CCDC152: variants seen among roughly 807,000 people sequenced by gnomAD.
The protein encoded by CCDC152 is coiled-coil domain-containing protein 152.
CCDC152 carries 37 observed loss-of-function variants against 38.1 expected under a neutral mutation model. The observed-to-expected ratio is 0.97, with a 90% CI of 0.75 to 1.28. The LOEUF (loss-of-function observed/expected upper bound fraction) is 1.28. Ranked by LOEUF, CCDC152 falls within the 50% of genes most tolerant of loss-of-function variation. The pLI is 0.00. For synonymous variants in CCDC152, 83 were observed against 87.1 expected, an observed-to-expected ratio of 0.95 and a Z score of 0.26; for missense variants, 259 against 292.1, an observed-to-expected ratio of 0.89 and a Z score of 0.83.
intron 4 of CCDC152, among the ~76,000 whole-genome samples, chr5:42,771,405 G>A (rs1348966308): frequency 2.0e-5 from 3 of 151,052 alleles, no homozygotes; most frequent in Non-Finnish European, 4.4e-5. Context: ...GTACTCAAAG[G>A]AAAGAAATAA....
At chr5:42,772,099 G>T (rs1166310221) in intron 4 of CCDC152, among the ~76,000 whole-genome samples, 1 of 152,020 alleles carries the variant, frequency 6.6e-6, no homozygotes, top group Non-Finnish European at 1.5e-5. Flanking sequence ...TGCAAGTATG[G>T]TTCTGTATAC....
chr5:42,769,720 T>TA, intron 4 of CCDC152, 55 bp downstream of exon 4: 1 of 1,435,904 alleles, frequency 7.0e-7, no homozygotes, highest in South Asian at 1.4e-5. Context: ...TGAGCACCTT[T>TA]AAAAATAGGA....
At chr5:42,795,562 C>T (rs1303062330) in intron 6 of CCDC152, among the ~76,000 whole-genome samples, 5 of 151,926 alleles carry the variant, frequency 3.3e-5, no homozygotes, top group Non-Finnish European at 7.4e-5. Context: ...CCAATAAATG[C>T]GGAATACGTA....
At chr5:42,796,600 T>C (rs936004024) in intron 6 of CCDC152, among the ~76,000 whole-genome samples, 1 of 152,230 alleles carries the variant, frequency 6.6e-6, no homozygotes, top group African/African-American at 2.4e-5. Context: ...ATAGTTTAAA[T>C]TACCTTATTC....
rs1442972378 is a variant in CCDC152 at position 42,799,416 on chromosome 5, A to C, written c.600A>C (p.Ser200=). 6.5e-7 allele frequency: 1 copy of C among 1,546,336 alleles called. No homozygotes were observed. Among genetic ancestry groups the C allele is most frequent in the Non-Finnish European group, 8.7e-7 (1 of 1,144,404 alleles). Residue 200 remains serine, a synonymous_variant, in exon 8 of 9, where the codon TCA becomes TCC. Transcript: ENST00000361970. The part of the protein sequence containing the change: ...KLARVQTKSK[S]YQDSTVLPQS... ...CAAGAGTTCAGACTAAATCAAAATC[A>C]TATCAGGATTCTACTGTTTTGCCAC... is the stretch of plus-strand genomic sequence containing the variant.
rs191047968 is a variant in CCDC152, at chr5:42,793,130, A to T, written c.431-3699A>T. ...AGCAATAAAAAGCAACAAACTGCTG[A>T]TACATTCAACAATACAATCACTTCA... On this transcript the variant is annotated intron_variant, in intron 6 of 8. Coordinates refer to ENST00000361970, the MANE Select transcript of CCDC152 (RefSeq NM_001134848.2). Among the ~76,000 whole-genome samples the T allele has an allele frequency of 3.4e-3, 521 of 152,364 alleles. 3 individuals carry two copies. The highest frequency in any genetic ancestry group is 0.011 in the African/African-American group (469 of 41,596).
At chr5:42,793,646 T>C (rs1180815775) in intron 6 of CCDC152, among the ~76,000 whole-genome samples, 1 of 152,230 alleles carries the variant, frequency 6.6e-6, no homozygotes, top group Non-Finnish European at 1.5e-5. Context: ...TCTCACTCTG[T>C]CACCCAGGCT....
chr5:42,770,628 G>A (rs1050629106), intron 4 of CCDC152, among the ~76,000 whole-genome samples: 1 of 152,028 alleles, frequency 6.6e-6, no homozygotes, highest in African/African-American at 2.4e-5. Flanking sequence ...GAGGTCTTTT[G>A]TGTTTCCATA....
chr5:42,771,687 C>T (rs573641352), intron 4 of CCDC152, among the ~76,000 whole-genome samples: 4 of 152,026 alleles, frequency 2.6e-5, no homozygotes, highest in African/African-American at 9.6e-5. Context: ...AGTCAAATAC[C>T]TAAGAATATA....
chr5:42,791,867 A>G (rs1760007923), intron 6 of CCDC152, among the ~76,000 whole-genome samples: 1 of 152,208 alleles, frequency 6.6e-6, no homozygotes, highest in South Asian at 2.1e-4. Flanking sequence ...GGATACTCAC[A>G]TAGCTCTTCC....
At chr5:42,769,275 T>G (rs1275598194) in intron 3 of CCDC152, among the ~76,000 whole-genome samples, 1 of 151,962 alleles carries the variant, frequency 6.6e-6, no homozygotes, top group Non-Finnish European at 1.5e-5. Context: ...TATTTTTCCT[T>G]TATATAATTT....
intron 6 of CCDC152, among the ~76,000 whole-genome samples, chr5:42,789,758 C>T (rs1020151497): frequency 3.9e-5 from 6 of 152,068 alleles, no homozygotes; most frequent in East Asian, 1.9e-4. Flanking sequence ...GAGGGTTAAT[C>T]GGTTTTATAT....
intron 4 of CCDC152, among the ~76,000 whole-genome samples, chr5:42,776,527 AG>A (rs1759770153): frequency 6.6e-6 from 1 of 152,210 alleles, no homozygotes; most frequent in African/African-American, 2.4e-5. Context: ...AAAATCAGTA[AG>A]GACACAGTTG....
chr5:42,793,015 C>T (rs79102134), intron 6 of CCDC152, among the ~76,000 whole-genome samples: 1,812 of 152,242 alleles, frequency 0.012, 37 homozygotes, highest in African/African-American at 0.042. Context: ...TTTACAGCAA[C>T]CTTATTCATC....
chr5:42,799,611 C>A (rs1228698912), intron 8 of CCDC152, 48 bp from the exon 9 acceptor site: 25 of 1,316,206 alleles, frequency 1.9e-5, no homozygotes, highest in Non-Finnish European at 2.6e-5. Flanking sequence ...GTTCCTTGTA[C>A]TAAATTTTAT....
chr5:42,782,086 A>G (rs1364598823), intron 5 of CCDC152, among the ~76,000 whole-genome samples: 1 of 152,196 alleles, frequency 6.6e-6, no homozygotes, highest in Non-Finnish European at 1.5e-5. Flanking sequence ...GCAGCTGTCA[A>G]GCACTTTGCA....
chr5:42,780,309 T>A (rs1759827307), intron 5 of CCDC152, among the ~76,000 whole-genome samples: 1 of 152,158 alleles, frequency 6.6e-6, no homozygotes. Flanking sequence ...TCCTGTACAG[T>A]AATAAGTAGC....
At chr5:42,791,145 T>G (rs1489744284) in intron 6 of CCDC152, among the ~76,000 whole-genome samples, 1 of 152,262 alleles carries the variant, frequency 6.6e-6, no homozygotes, top group Admixed American at 6.5e-5. Flanking sequence ...ATTTTTTAAT[T>G]GAGGCATGTA....
At chr5:42,794,953 G>A (rs1183243545) in intron 6 of CCDC152, among the ~76,000 whole-genome samples, 2 of 151,950 alleles carry the variant, frequency 1.3e-5, no homozygotes, top group African/African-American at 4.8e-5. Context: ...AGGAAAAAAG[G>A]GAAGTAAAAA....
Sources: allele counts gnomAD v4.1 joint callset (sites outside exome capture counted in the v4.1 genomes callset), GRCh38; gene constraint gnomAD v4.1.1; transcripts MANE v1.5; gene names NCBI Gene and HGNC (gene_info 2026-07-23, HGNC 2026-07-21).